Variants in NCKAP5 observed in about 807,000 individuals in gnomAD.
NCKAP5 encodes NCK associated protein 5, also known as nck-associated protein 5.
In NCKAP5, 92 loss-of-function variants were observed where a neutral mutation model predicts 167.0. The ratio of observed to expected loss-of-function variants is 0.55; its 90% CI spans 0.47 to 0.66. The LOEUF (loss-of-function observed/expected upper bound fraction) is 0.66, where lower values mean the gene tolerates loss of function less well. Among genes scored for constraint, NCKAP5 ranks in the 30% least tolerant of loss-of-function variants. NCKAP5 has a pLI of 0.00. For synonymous variants in NCKAP5, 891 were observed against 877.4 expected (o/e 1.02, Z -0.27); for missense variants, 2,378 against 2,315.0 (o/e 1.03, Z -0.56).
chr2:133,196,610 G>A (rs1574344760), intron 5 of NCKAP5, among the ~76,000 whole-genome samples: 1 of 152,178 alleles, frequency 6.6e-6, no homozygotes, highest in African/African-American at 2.4e-5. Context: ...TAGCAGTGGA[G>A]AAGGAAACCA....
chr2:133,348,686 A>C (rs556722533), intron 3 of NCKAP5, among the ~76,000 whole-genome samples: 27 of 151,886 alleles, frequency 1.8e-4, no homozygotes, highest in African/African-American at 5.6e-4. Flanking sequence ...TTTTCTCTTG[A>C]CTCCCCCCTT....
At chr2:133,124,462 C>T (rs190569927) in intron 6 of NCKAP5, among the ~76,000 whole-genome samples, 91 of 152,294 alleles carry the variant, frequency 6.0e-4, no homozygotes, top group Admixed American at 1.9e-3. Context: ...AAACACGCTG[C>T]AGCACAGAGC....
intron 11 of NCKAP5, among the ~76,000 whole-genome samples, chr2:132,855,793 T>G (rs1030406597): frequency 3.9e-5 from 6 of 152,202 alleles, no homozygotes; most frequent in African/African-American, 1.4e-4. Flanking sequence ...CTTTTCATCT[T>G]TTTGTCTCAC....
At chr2:133,336,672 T>C (rs1227394659) in intron 3 of NCKAP5, among the ~76,000 whole-genome samples, 2 of 152,158 alleles carry the variant, frequency 1.3e-5, no homozygotes, top group African/African-American at 4.8e-5. Flanking sequence ...TAAAACAAGA[T>C]GGTAGTCTCA....
At chr2:133,404,250 T>C (rs192622685) in intron 3 of NCKAP5, among the ~76,000 whole-genome samples, 316 of 152,306 alleles carry the variant, frequency 2.1e-3, no homozygotes, top group Non-Finnish European at 3.7e-3. Context: ...CAGGCCTAAA[T>C]TGAGCAACAT....
At chr2:133,294,339 C>T (rs1377269599) in intron 4 of NCKAP5, among the ~76,000 whole-genome samples, 2 of 152,260 alleles carry the variant, frequency 1.3e-5, no homozygotes, top group South Asian at 4.1e-4. Flanking sequence ...TAGAGGCATG[C>T]TAATTCTTAA....
At chr2:133,006,100 T>TA (rs1166158470) in intron 6 of NCKAP5, among the ~76,000 whole-genome samples, 20 of 150,538 alleles carry the variant, frequency 1.3e-4, no homozygotes, top group South Asian at 4.2e-4. Flanking sequence ...CTACAAAAAA[T>TA]AAAAAAAAAT....
chr2:133,160,477 A>G (rs1272624229), intron 5 of NCKAP5, among the ~76,000 whole-genome samples: 1 of 144,970 alleles, frequency 6.9e-6, no homozygotes, highest in Non-Finnish European at 1.5e-5. Context: ...TGATCAAAGA[A>G]CAATTCATGA....
At chr2:132,911,986 T>C (rs1694491640) in intron 8 of NCKAP5, among the ~76,000 whole-genome samples, 1 of 152,184 alleles carries the variant, frequency 6.6e-6, no homozygotes, top group Non-Finnish European at 1.5e-5. Context: ...GCCTGTGAGC[T>C]GGGGATATCT....
At chr2:132,722,406 T>C (rs572860034) in intron 19 of NCKAP5, among the ~76,000 whole-genome samples, 3 of 152,338 alleles carry the variant, frequency 2.0e-5, no homozygotes, top group African/African-American at 4.8e-5. Flanking sequence ...AGTCTCCTCC[T>C]TGACATACCT....
intron 16 of NCKAP5, among the ~76,000 whole-genome samples, chr2:132,745,412 C>T (rs1475611741): frequency 6.7e-6 from 1 of 150,258 alleles, no homozygotes. Flanking sequence ...AAAACAGACA[C>T]AGCAAACTAG....
At chr2:132,909,018 T>C (rs1021263300) in intron 8 of NCKAP5, among the ~76,000 whole-genome samples, 8 of 152,168 alleles carry the variant, frequency 5.3e-5, no homozygotes, top group African/African-American at 1.9e-4. Flanking sequence ...CTTATGGCAA[T>C]CTCACGGTAA....
chr2:132,782,234 T>C lies in NCKAP5; in HGVS notation c.4577A>G (p.Asp1526Gly), dbSNP rs1683096547. The C allele has an allele frequency of 1.2e-6, 2 of 1,613,888 alleles. No homozygotes were observed. Among genetic ancestry groups the C allele is most frequent in the South Asian group, 1.1e-5 (1 of 91,094 alleles). Residue 1526 changes from aspartate to glycine, a missense_variant, in exon 14 of 20, where the codon GAC becomes GGC. Asp to Gly is a moderately conservative substitution (Grantham distance 94). Transcript: ENST00000409261. ...RLPALSSRKM[D>G]ISKTKVEKKD... ...CTTTTCTACTTTGGTTTTGGAGATG[T>C]CCATTTTCCTGCTACTCAGAGCTGG...
chr2:133,411,292 A>T (rs1181268124), intron 3 of NCKAP5, among the ~76,000 whole-genome samples: 1 of 152,226 alleles, frequency 6.6e-6, no homozygotes. Context: ...TGTGGGACAG[A>T]GAAACATCTG....
At chr2:133,183,325 A>G (rs1219585417) in intron 5 of NCKAP5, among the ~76,000 whole-genome samples, 1 of 152,162 alleles carries the variant, frequency 6.6e-6, no homozygotes, top group African/African-American at 2.4e-5. Flanking sequence ...CTACAAATCA[A>G]CATCCCTCAT....
In NCKAP5 at chr2:133,129,900, T is replaced by C. The variant is rs575749526; in HGVS notation, c.341+78A>G. 2.9e-4 allele frequency: 410 copies of C among 1,430,450 alleles called. 4 individuals are homozygous for C. Among genetic ancestry groups the C allele is most frequent in the South Asian group, 2.4e-3 (158 of 65,836 alleles). The allele number at this position is 1,430,450 out of a possible 1,614,324, so 88.6% of individuals were successfully genotyped here. A position where few individuals can be genotyped will look rare whatever the true frequency, so the allele number is the denominator to read the frequency against. On this transcript the variant is annotated intron_variant, in intron 6 of 19. Coordinates refer to ENST00000409261, the MANE Select transcript of NCKAP5 (RefSeq NM_207363.3). ...TCAAACACAACAGAAGCTTACTCAATGGACATTCAATCCAAGGTGTTACTG... is the reference window on the plus strand; with the variant it reads ...TCAAACACAACAGAAGCTTACTCAACGGACATTCAATCCAAGGTGTTACTG...
At chr2:133,473,085 G>A (rs934952141) in intron 3 of NCKAP5, among the ~76,000 whole-genome samples, 3 of 152,176 alleles carry the variant, frequency 2.0e-5, no homozygotes. Flanking sequence ...TGTAATCCAA[G>A]CACTTTGGGA....
intron 3 of NCKAP5, among the ~76,000 whole-genome samples, chr2:133,326,425 C>G (rs1682448629): frequency 6.8e-6 from 1 of 146,866 alleles, no homozygotes; most frequent in Non-Finnish European, 1.5e-5. Flanking sequence ...CTACTGCACT[C>G]CAGCCTGGTG....
At chr2:132,849,228 T>C (rs1307966215) in intron 11 of NCKAP5, among the ~76,000 whole-genome samples, 1 of 152,140 alleles carries the variant, frequency 6.6e-6, no homozygotes, top group East Asian at 1.9e-4. Flanking sequence ...GATTCTGTGA[T>C]CCAGCCATGG....
Sources: allele counts gnomAD v4.1 joint callset (sites outside exome capture counted in the v4.1 genomes callset), GRCh38; gene constraint gnomAD v4.1.1; transcripts MANE v1.5; gene names NCBI Gene and HGNC (gene_info 2026-07-23, HGNC 2026-07-21).